Variants in SPO11 observed in about 807,000 individuals in gnomAD.
The protein encoded by SPO11 is SPO11 initiator of meiotic double strand breaks.
A neutral mutation model predicts 51.6 loss-of-function variants in SPO11; 49 were observed. The observed-to-expected ratio is 0.95, with a 90% confidence interval of 0.75 to 1.20. SPO11 has a LOEUF of 1.20. Among genes scored for constraint, SPO11 ranks in the 50% most tolerant of loss-of-function variants. The pLI, the probability that SPO11 is intolerant of heterozygous loss-of-function variation, is 0.00. For synonymous variants in SPO11, 176 were observed against 158.2 expected, an observed-to-expected ratio of 1.11 and a Z score of -0.84; for missense variants, 431 against 473.4, an observed-to-expected ratio of 0.91 and a Z score of 0.83.
chr20:57,333,893 A>C, intron 4 of SPO11, 94 bp from the exon 5 acceptor site: 1 of 932,136 alleles, frequency 1.1e-6, no homozygotes, highest in East Asian at 2.7e-5. Context: ...TTGTGTTTTC[A>C]TCCAGTTAAA....
chr20:57,335,964 G>A, intron 8 of SPO11, 57 bp downstream of exon 8: 2 of 967,164 alleles, frequency 2.1e-6, no homozygotes, highest in African/African-American at 1.7e-5. Flanking sequence ...TATGGTGATT[G>A]GTAAGAGGAT....
chr20:57,335,587 T>C (rs958464516), intron 7 of SPO11, 132 bp downstream of exon 7: 5 of 858,544 alleles, frequency 5.8e-6, no homozygotes, highest in African/African-American at 5.2e-5. Context: ...GAACACACCA[T>C]GGTCCCTTCT....
At chr20:57,332,287 G>A (rs79564060) in intron 2 of SPO11, among the ~76,000 whole-genome samples, 1,665 of 152,216 alleles carry the variant, frequency 0.011, 12 homozygotes, top group Non-Finnish European at 0.018. Context: ...AGATGTCATG[G>A]GTGCAATTCT....
At chr20:57,337,606 A>G (rs2066527902) in intron 8 of SPO11, 1 of 510,438 alleles carries the variant, frequency 2.0e-6, no homozygotes, top group Non-Finnish European at 3.2e-6. Flanking sequence ...CACTTCAGTG[A>G]GCATCTTTAA....
intron 8 of SPO11, among the ~76,000 whole-genome samples, chr20:57,337,929 C>T (rs373772495): frequency 6.6e-6 from 1 of 151,914 alleles, no homozygotes; most frequent in African/African-American, 2.4e-5. Flanking sequence ...CTCTTTTTGC[C>T]CAGGCTGGAG....
intron 11 of SPO11, among the ~76,000 whole-genome samples, chr20:57,342,510 A>T (rs2066594938): frequency 6.6e-6 from 1 of 152,224 alleles, no homozygotes; most frequent in Non-Finnish European, 1.5e-5. Flanking sequence ...CAAAAACTTT[A>T]GAATCTTACT....
rs960257295 is a variant in SPO11 at position 57,343,541 on chromosome 20, C to T, written c.*81C>T. On this transcript the variant is annotated 3_prime_UTR_variant, in exon 13 of 13. Transcript: ENST00000371263. ...TTGGCAAATACTATTGTGGAAAGAACATATATTATATTCTTAATTCTGTAA... is the reference window on the plus strand; with the variant it reads ...TTGGCAAATACTATTGTGGAAAGAATATATATTATATTCTTAATTCTGTAA... The T allele has an allele frequency of 3.8e-6, 5 of 1,322,432 alleles. No individual in the cohort carries two copies. The highest frequency in any genetic ancestry group is 3.1e-6 in the Non-Finnish European group (3 of 969,800). The allele number at this position is 1,322,432 out of a possible 1,614,324, so 81.9% of individuals were successfully genotyped here. A position where few individuals can be genotyped will look rare whatever the true frequency, so the allele number is the denominator to read the frequency against.
At chr20:57,330,311 G>A (rs528342590) in intron 1 of SPO11, among the ~76,000 whole-genome samples, 2 of 152,302 alleles carry the variant, frequency 1.3e-5, no homozygotes, top group East Asian at 3.9e-4. Context: ...GGAGTTTGGG[G>A]TACAGTTAGC....
chr20:57,340,055 T>G, intron 10 of SPO11, 47 bp from the exon 11 acceptor site: 1 of 1,302,780 alleles, frequency 7.7e-7, no homozygotes, highest in South Asian at 1.2e-5. Flanking sequence ...GAATGCTAGT[T>G]TTCTACAATT....
chr20:57,330,102 C>A, intron 1 of SPO11, 104 bp downstream of exon 1: 6 of 1,407,274 alleles, frequency 4.3e-6, no homozygotes, highest in Non-Finnish European at 5.6e-6. Context: ...AGGAGGCACC[C>A]CTTGGCGGGC....
At position 57,330,018 on chromosome 20, in the gene SPO11, G is replaced by A. The variant is rs1033092085; in HGVS notation, c.131+20G>A. Reference sequence around the variant, plus strand: ...CTCCAGGTACAGGAGCTGGTGCCGAGGCGCGACGCAGCCACTCTGTAGAAA... The same window carrying A: ...CTCCAGGTACAGGAGCTGGTGCCGAAGCGCGACGCAGCCACTCTGTAGAAA... On this transcript the variant is annotated intron_variant, in intron 1 of 12. Transcript: ENST00000371263. 2 of 1,565,044 alleles carry A rather than the reference G, an allele frequency of 1.3e-6. No individual in the cohort carries two copies. The highest frequency in any genetic ancestry group is 1.9e-5 in the Admixed American group (1 of 53,752).
chr20:57,333,919 C>A, intron 4 of SPO11, 68 bp from the exon 5 acceptor site: 1 of 1,010,796 alleles, frequency 9.9e-7, no homozygotes, highest in South Asian at 2.0e-5. Context: ...CTTCAATTAA[C>A]ACTGTAATAC....
intron 10 of SPO11, among the ~76,000 whole-genome samples, chr20:57,339,893 C>T (rs28368093): frequency 0.04 from 6,082 of 152,212 alleles, 180 homozygotes; most frequent in African/African-American, 0.09. Flanking sequence ...CATGAGCCAC[C>T]GCACTTAACC....
chr20:57,333,426 A>G (rs1260276674), intron 3 of SPO11, 150 bp downstream of exon 3: 13 of 654,752 alleles, frequency 2.0e-5, no homozygotes, highest in Non-Finnish European at 3.4e-5. Context: ...TTCATTGTCA[A>G]TAACTATGGA....
At chr20:57,332,300 C>T (rs2066459621) in intron 2 of SPO11, among the ~76,000 whole-genome samples, 1 of 152,226 alleles carries the variant, frequency 6.6e-6, no homozygotes, top group Non-Finnish European at 1.5e-5. Context: ...GCAATTCTCA[C>T]ATATGCCACA....
chr20:57,341,556 C>A (rs1343398004), intron 11 of SPO11, among the ~76,000 whole-genome samples: 1 of 152,040 alleles, frequency 6.6e-6, no homozygotes, highest in Admixed American at 6.6e-5. Context: ...GTGAGCAATC[C>A]TTGATAACAG....
At chr20:57,330,962 G>C (rs968703425) in intron 1 of SPO11, among the ~76,000 whole-genome samples, 3 of 152,152 alleles carry the variant, frequency 2.0e-5, no homozygotes, top group African/African-American at 7.2e-5. Context: ...CCCAATATTA[G>C]AATAGATTAA....
At chr20:57,337,949 G>A (rs1001374166) in intron 8 of SPO11, among the ~76,000 whole-genome samples, 3 of 152,108 alleles carry the variant, frequency 2.0e-5, no homozygotes, top group African/African-American at 4.8e-5. Flanking sequence ...GTGCAATGGC[G>A]TGATTTCGGC....
chr20:57,341,579 TA>T lies in SPO11; in HGVS notation c.960-1147del, dbSNP rs1254167080. ...TCCTTGATAACAGTTGCTTGTTTCCTAAATATGGAATGTGAACAGGTTTTGG... is the reference window on the plus strand; with the variant it reads ...TCCTTGATAACAGTTGCTTGTTTCCTAATATGGAATGTGAACAGGTTTTGG... On this transcript the variant is annotated intron_variant, in intron 11 of 12. Coordinates refer to ENST00000371263, the MANE Select transcript of SPO11 (RefSeq NM_012444.3). Among the ~76,000 whole-genome samples the T allele has an allele frequency of 2.6e-5, 4 of 152,336 alleles. No homozygotes were observed. In the East Asian group the frequency reaches 7.7e-4, roughly 29 times the overall value.
Sources: allele counts gnomAD v4.1 joint callset (sites outside exome capture counted in the v4.1 genomes callset), GRCh38; gene constraint gnomAD v4.1.1; transcripts MANE v1.5; gene names NCBI Gene and HGNC (gene_info 2026-07-23, HGNC 2026-07-21).